The following SPTBN5 variants were observed in gnomAD, a reference collection of about 807,000 sequenced individuals.
The protein encoded by SPTBN5 is spectrin beta, non-erythrocytic 5, also known as spectrin beta chain, non-erythrocytic 5.
SPTBN5 carries 513 observed loss-of-function variants against 477.6 expected under a neutral mutation model. The ratio of observed to expected loss-of-function variants is 1.07; its 90% CI spans 1.00 to 1.16. The LOEUF (loss-of-function observed/expected upper bound fraction) is 1.16, where lower values mean the gene tolerates loss of function less well. SPTBN5 is among the 50% of genes most tolerant of loss of function. The pLI, the probability that SPTBN5 is intolerant of heterozygous loss-of-function variation, is 0.00. For missense variants in SPTBN5, 5,062 were observed against 4,731.8 expected (o/e 1.07, Z -2.05); for synonymous variants, 2,169 against 2,011.7 (o/e 1.08, Z -2.09).
chr15:41,849,306 G>A lies in SPTBN5; in HGVS notation c.11012+563C>T, dbSNP rs184687312. On this transcript the variant is annotated intron_variant, in intron 67 of 67. Transcript: ENST00000320955. Reference sequence around the variant, plus strand: ...AGCCAGGTAAGAGCCTCCTGCCCCTGCACATCCACCTTCGCATCTCCTCCC... The same window carrying A: ...AGCCAGGTAAGAGCCTCCTGCCCCTACACATCCACCTTCGCATCTCCTCCC... Among the ~76,000 whole-genome samples, 96 of 152,328 alleles carry A rather than the reference G, an allele frequency of 6.3e-4. 1 individual carries two copies. The highest frequency in any genetic ancestry group is 2.3e-3 in the African/African-American group (94 of 41,572).
intron 65 of SPTBN5, 32 bp downstream of exon 65, chr15:41,851,027 G>A: frequency 3.1e-6 from 5 of 1,601,770 alleles, no homozygotes; most frequent in Non-Finnish European, 4.3e-6. Flanking sequence ...GGCTGCTGGG[G>A]GTGATGCCGG....
At chr15:41,882,564 G>A in intron 10 of SPTBN5, 21 bp downstream of exon 10, 1 of 1,587,806 alleles carries the variant, frequency 6.3e-7, no homozygotes, top group Non-Finnish European at 8.6e-7. Context: ...CGACCGGCGG[G>A]CGCGCTCGGG....
At position 41,874,386 on chromosome 15, in the gene SPTBN5, T is replaced by C; in HGVS notation, c.4595A>G (p.Glu1532Gly). Reference sequence around the variant, plus strand: ...CATGTGCTCGGCTACCCAAGAGAGCTCCATGTTGCTCAGGTGGCAGAACTG... The same window carrying C: ...CATGTGCTCGGCTACCCAAGAGAGCCCCATGTTGCTCAGGTGGCAGAACTG... ...LHQFCHLSNM[E>G]LSWVAEHMPH... Residue 1532 changes from glutamate (E) to glycine (G), a missense_variant, in exon 24 of 68, where the codon GAG becomes GGG. By Grantham distance (98) the Glu-to-Gly change is moderately conservative. Transcript: ENST00000320955. 6.2e-7 allele frequency: 1 copy of C among 1,613,772 alleles called. No individual in the cohort carries two copies. The highest frequency in any genetic ancestry group is 8.5e-7 in the Non-Finnish European group (1 of 1,179,866).
chr15:41,850,787 T>C, intron 66 of SPTBN5, 67 bp downstream of exon 66: 1 of 1,382,050 alleles, frequency 7.2e-7, no homozygotes, highest in South Asian at 1.3e-5. Context: ...CATAAAACAC[T>C]AGGGGCCCAG....
At position 41,851,887 on chromosome 15, in the gene SPTBN5, C is replaced by G. The variant is rs1209117913; in HGVS notation, c.10585-37G>C. On this transcript the variant is annotated intron_variant, in intron 62 of 67. Transcript: ENST00000320955. ...AGATGGGGCCCAGAAATGTCAGGAC[C>G]AGCACCCTCAGGAAGGTGGGCAAGG... 1.9e-6 allele frequency: 3 copies of G among 1,554,252 alleles called. No individual in the cohort carries two copies. In the South Asian group the frequency reaches 3.4e-5, roughly 18 times the overall value.
intron 13 of SPTBN5, 52 bp from the exon 14 acceptor site, chr15:41,880,364 C>T: frequency 1.3e-6 from 2 of 1,528,680 alleles, no homozygotes; most frequent in Non-Finnish European, 8.8e-7. Flanking sequence ...CCCGACAGGG[C>T]TCTCAGAGCG....
intron 39 of SPTBN5, among the ~76,000 whole-genome samples, chr15:41,864,358 A>C (rs559320293): frequency 6.6e-6 from 1 of 151,700 alleles, no homozygotes; most frequent in East Asian, 1.9e-4. Context: ...CCTCTGTTGC[A>C]CTGTTGTTGT....
rs759562650 is a variant in SPTBN5 at position 41,852,324 on chromosome 15, A to G, written c.10450-8T>C. The G allele has an allele frequency of 1.1e-5, 18 of 1,568,168 alleles. No homozygotes were observed. The highest frequency in any genetic ancestry group is 1.6e-5 in the Non-Finnish European group (18 of 1,154,376). On this transcript the variant is annotated splice_region_variant and splice_polypyrimidine_tract_variant and intron_variant, in intron 61 of 67. Coordinates refer to ENST00000320955, the MANE Select transcript of SPTBN5 (RefSeq NM_016642.4). ...CAGGAGCTCCTGTTCCATCTTGGGGAGTGGGCAAGGTGGGCAAGGTGAGCC... is the reference window on the plus strand; with the variant it reads ...CAGGAGCTCCTGTTCCATCTTGGGGGGTGGGCAAGGTGGGCAAGGTGAGCC...
At position 41,871,839 on chromosome 15, in the gene SPTBN5, G is replaced by A; in HGVS notation, c.5244C>T (p.Ser1748=). The A allele has an allele frequency of 1.3e-6, 2 of 1,589,852 alleles. No homozygotes were observed. Among genetic ancestry groups the A allele is most frequent in the Non-Finnish European group, 1.7e-6 (2 of 1,168,732 alleles). ...EAEDLQGWLA[S]QKQAAKGGES... Reference sequence around the variant, plus strand: ...CCCCTCCTTTGGCTGCCTGCTTCTGGCTTGCCAGCCAGCCCTGCAGGTCCT... The same window carrying A: ...CCCCTCCTTTGGCTGCCTGCTTCTGACTTGCCAGCCAGCCCTGCAGGTCCT... Residue 1748 remains serine, a synonymous_variant, in exon 28 of 68, where the codon AGC becomes AGT. Transcript: ENST00000320955.
At chr15:41,862,978 G>A in intron 41 of SPTBN5, 75 bp from the exon 42 acceptor site, 1 of 1,340,830 alleles carries the variant, frequency 7.5e-7, no homozygotes, top group Non-Finnish European at 1.0e-6. Context: ...GGCCCAACCA[G>A]TGGCTTCTGT....
rs747748431 is a variant in SPTBN5, at chr15:41,876,192, G to A, written c.4044C>T (p.Ile1348=). Residue 1348 remains isoleucine, a synonymous_variant, in exon 21 of 68, where the codon ATC becomes ATT. Coordinates refer to ENST00000320955, the MANE Select transcript of SPTBN5 (RefSeq NM_016642.4). ...CTTCGTGCCGCTTGAGTGTCTGCAGGATGTTTCTGCGCGCTCCGGAGGGCT... is the reference window on the plus strand; with the variant it reads ...CTTCGTGCCGCTTGAGTGTCTGCAGAATGTTTCTGCGCGCTCCGGAGGGCT... The part of the protein sequence containing the change: ...AHEPSGARRN[I]LQTLKRHEAA... 2 of 1,606,314 alleles carry A rather than the reference G, an allele frequency of 1.2e-6. No homozygotes were observed. The highest frequency in any genetic ancestry group is 2.7e-5 in the African/African-American group (2 of 74,922).
In SPTBN5 at chr15:41,882,793, T is replaced by C. The variant is rs568871939; in HGVS notation, c.1893-55A>G. ...ATGGGGAGTCGTGAGGCATGGGCAGTGGGTTCCCCTCCGGGTTTAGACACT... is the reference window on the plus strand; with the variant it reads ...ATGGGGAGTCGTGAGGCATGGGCAGCGGGTTCCCCTCCGGGTTTAGACACT... On this transcript the variant is annotated intron_variant, in intron 9 of 67. Transcript: ENST00000320955. 4.5e-6 allele frequency: 7 copies of C among 1,571,530 alleles called. No individual in the cohort carries two copies. In the East Asian group the frequency reaches 1.4e-4, roughly 30 times the overall value.
In SPTBN5 at chr15:41,852,890, C is replaced by G. The variant is rs574566932; in HGVS notation, c.10281G>C (p.Gln3427His). 3.1e-6 allele frequency: 5 copies of G among 1,608,280 alleles called. No individual in the cohort carries two copies. The Admixed American group carries it at 8.4e-5, about 27-fold the overall frequency. The change falls in exon 60 of 68, where the codon CAG becomes CAC. Residue 3427 changes from glutamine to histidine, a missense_variant. By Grantham distance (24) the Gln-to-His change is conservative. Transcript: ENST00000320955. ...GCCAGGCCTCAGCCTGCTCCAGCCT[C>G]TGCCGAAGCTTCTGCAGGCCCCAGC... ...AESWGLQKLR[Q>H]RLEQAEAWLA...
intron 67 of SPTBN5, 108 bp downstream of exon 67, chr15:41,849,761 C>G: frequency 1.2e-6 from 1 of 847,760 alleles, no homozygotes; most frequent in Non-Finnish European, 1.9e-6. Flanking sequence ...TCCCTACAGC[C>G]CAACAGAGTA....
intron 23 of SPTBN5, 44 bp downstream of exon 23, chr15:41,874,798 A>G: frequency 6.4e-7 from 1 of 1,563,050 alleles, no homozygotes; most frequent in Non-Finnish European, 8.7e-7. Flanking sequence ...CCTTAAATTC[A>G]CATGGAGGAG....
rs145605775 is a variant in SPTBN5, at chr15:41,876,664, G to A, written c.3852-17C>T. 64 of 1,416,028 alleles carry A rather than the reference G, an allele frequency of 4.5e-5. 2 individuals carry two copies. Among genetic ancestry groups the A allele is most frequent in the Non-Finnish European group, 5.9e-5 (60 of 1,015,790 alleles). The allele number at this position is 1,416,028 out of a possible 1,614,324, so 87.7% of individuals were successfully genotyped here. On this transcript the variant is annotated splice_polypyrimidine_tract_variant and intron_variant, in intron 19 of 67. Coordinates refer to ENST00000320955, the MANE Select transcript of SPTBN5 (RefSeq NM_016642.4). ...TCTCTGACCCTGGAGGGCGGGGGGG[G>A]GTTGGAGGAGGGCATGGGAGAGGAC...
At chr15:41,852,024 G>A (rs1042374238) in intron 62 of SPTBN5, 158 bp downstream of exon 62, 5 of 997,364 alleles carry the variant, frequency 5.0e-6, no homozygotes, top group Non-Finnish European at 7.4e-6. Flanking sequence ...TGGTATGGCT[G>A]TAGACAGCCA....
intron 55 of SPTBN5, 28 bp from the exon 56 acceptor site, chr15:41,855,004 C>G (rs771642199): frequency 2.0e-6 from 3 of 1,514,656 alleles, no homozygotes; most frequent in Non-Finnish European, 2.6e-6. Flanking sequence ...CCAGCAGGGT[C>G]ACTTGAGATG....
chr15:41,865,823 T>A lies in SPTBN5; in HGVS notation c.6903A>T (p.Arg2301=), dbSNP rs1460263751. The change falls in exon 39 of 68, where the codon CGA becomes CGT. Residue 2301 remains arginine (R), a synonymous_variant. Transcript: ENST00000320955. ...LQLRRRLREF[R]GNSAGDTVGD... ...GCCCTCTTACCCCGGCCGAGTTTCC[T>A]CGGAACTCGCGGAGCCGCCGTCGGA... 2 of 1,564,348 alleles carry A rather than the reference T, an allele frequency of 1.3e-6. No homozygotes were observed. Among genetic ancestry groups the A allele is most frequent in the Admixed American group, 3.7e-5 (2 of 53,532 alleles).
Sources: gnomAD v4.1 joint callset for allele counts (sites outside exome capture counted in the v4.1 genomes callset) on GRCh38, gnomAD v4.1.1 for gene constraint, MANE v1.5 for transcripts, NCBI Gene and HGNC (gene_info 2026-07-23, HGNC 2026-07-21) for gene names.